Variants in NPAS1 observed in about 807,000 individuals in gnomAD.
NPAS1 encodes neuronal PAS domain protein 1, also known as neuronal PAS domain-containing protein 1.
In NPAS1, 29 loss-of-function variants were observed where a neutral mutation model predicts 49.2. The observed-to-expected ratio is 0.59, with a 90% confidence interval of 0.44 to 0.80. The LOEUF (loss-of-function observed/expected upper bound fraction) is 0.80. Among genes scored for constraint, NPAS1 ranks in the 30% least tolerant of loss-of-function variants. NPAS1 has a pLI of 0.00. For missense variants in NPAS1, 825 were observed against 835.5 expected (o/e 0.99, Z 0.15); for synonymous variants, 408 against 380.4 (o/e 1.07, Z -0.84).
chr19:47,032,521 C>G, intron 4 of NPAS1, 122 bp from the exon 5 acceptor site: 1 of 1,118,206 alleles, frequency 8.9e-7, no homozygotes, highest in Non-Finnish European at 1.3e-6. Flanking sequence ...CTGAAGCCCC[C>G]TCCCCACCAA....
chr19:47,045,377 C>A lies in NPAS1; in HGVS notation c.1499C>A (p.Ala500Glu), dbSNP rs2122570845. The A allele has an allele frequency of 6.2e-7, 1 of 1,613,398 alleles. No homozygotes were observed. The highest frequency in any genetic ancestry group is 1.3e-5 in the African/African-American group (1 of 75,052). ...CCCGAGTTCACCTCTGTCATCCGGG[C>A]AGGGGTCCTGAAGCAGGATCCGGTG... ...PRPEFTSVIR[A>E]GVLKQDPVRP... Residue 500 changes from alanine (A) to glutamate (E), a missense_variant, in exon 12 of 12, where the codon GCA becomes GAA. Coordinates refer to ENST00000602212, the MANE Select transcript of NPAS1 (RefSeq NM_002517.4).
chr19:47,026,721 G>A (rs978423919), intron 3 of NPAS1, among the ~76,000 whole-genome samples: 22 of 152,250 alleles, frequency 1.4e-4, no homozygotes, highest in African/African-American at 3.9e-4. Context: ...TTGTGAGGCC[G>A]AGGCAGGTGG....
intron 11 of NPAS1, among the ~76,000 whole-genome samples, chr19:47,043,799 T>C (rs1236825370): frequency 6.6e-6 from 1 of 151,726 alleles, no homozygotes; most frequent in Non-Finnish European, 1.5e-5. Flanking sequence ...GTGTGGTGGC[T>C]TATGCCTGTA....
chr19:47,042,581 C>T (rs1193682260), intron 10 of NPAS1, among the ~76,000 whole-genome samples: 2 of 152,204 alleles, frequency 1.3e-5, no homozygotes, highest in African/African-American at 4.8e-5. Flanking sequence ...TGGTGACATC[C>T]AGGTGGCCAC....
At chr19:47,034,033 G>C (rs1184163243) in intron 5 of NPAS1, among the ~76,000 whole-genome samples, 1 of 144,642 alleles carries the variant, frequency 6.9e-6, no homozygotes, top group African/African-American at 2.6e-5. Context: ...GGCCGGGCGC[G>C]GTGGCTCACG....
At chr19:47,026,967 G>C (rs1249391074) in intron 3 of NPAS1, among the ~76,000 whole-genome samples, 1 of 150,034 alleles carries the variant, frequency 6.7e-6, no homozygotes, top group African/African-American at 2.4e-5. Context: ...AAAAAAAAAA[G>C]AGAGAGAGAG....
At chr19:47,038,984 CTG>C in intron 6 of NPAS1, 50 bp from the exon 7 acceptor site, 1 of 1,517,450 alleles carries the variant, frequency 6.6e-7, no homozygotes, top group Non-Finnish European at 9.2e-7. Flanking sequence ...TCAGGGTGGC[CTG>C]TGTGTTTCCT....
intron 3 of NPAS1, among the ~76,000 whole-genome samples, chr19:47,022,079 G>A (rs148954865): frequency 2.6e-5 from 4 of 152,350 alleles, no homozygotes; most frequent in African/African-American, 9.6e-5. Flanking sequence ...ACAAGGCCCT[G>A]GCAGTTCTAG....
intron 5 of NPAS1, among the ~76,000 whole-genome samples, chr19:47,034,026 C>T (rs1459261317): frequency 2.9e-5 from 4 of 137,844 alleles, no homozygotes; most frequent in African/African-American, 5.3e-5. Flanking sequence ...AAAAAAGGGC[C>T]GGGCGCGGTG....
chr19:47,043,672 G>A (rs925207426), intron 11 of NPAS1, among the ~76,000 whole-genome samples: 3 of 152,012 alleles, frequency 2.0e-5, no homozygotes, highest in African/African-American at 4.8e-5. Flanking sequence ...CAGGAGAGTC[G>A]CTTCTACCCA....
chr19:47,032,575 C>A, intron 4 of NPAS1, 68 bp from the exon 5 acceptor site: 2 of 1,442,838 alleles, frequency 1.4e-6, no homozygotes, highest in Non-Finnish European at 2.0e-6. Flanking sequence ...GAACCTCTTA[C>A]CACTTGGCGG....
intron 6 of NPAS1, 70 bp from the exon 7 acceptor site, chr19:47,038,966 T>A: frequency 7.3e-7 from 1 of 1,367,378 alleles, no homozygotes; most frequent in South Asian, 1.2e-5. Context: ...CGGCTGGCTC[T>A]GCAAGGGTCA....
chr19:47,020,988 G>C lies in NPAS1; in HGVS notation c.-42-18G>C. The C allele has an allele frequency of 2.0e-6, 3 of 1,504,004 alleles. No individual in the cohort carries two copies. The highest frequency in any genetic ancestry group is 2.7e-6 in the Non-Finnish European group (3 of 1,121,292). The allele number at this position is 1,504,004 out of a possible 1,614,324, so 93.2% of individuals were successfully genotyped here. ...CCCGAGGGCACTAAGCGTTGCCCCT[G>C]GCCCCCTCCCGCTGCAGGAGACTCG... On this transcript the variant is annotated intron_variant, in intron 1 of 11. Coordinates refer to ENST00000602212, the MANE Select transcript of NPAS1 (RefSeq NM_002517.4).
At chr19:47,022,860 A>G (rs2056850227) in intron 3 of NPAS1, among the ~76,000 whole-genome samples, 1 of 152,276 alleles carries the variant, frequency 6.6e-6, no homozygotes, top group Non-Finnish European at 1.5e-5. Flanking sequence ...ATTGAGACAT[A>G]GAAGTGCTGT....
chr19:47,026,387 C>G (rs60003654), intron 3 of NPAS1, among the ~76,000 whole-genome samples: 14,817 of 152,148 alleles, frequency 0.097, 1,218 homozygotes, highest in African/African-American at 0.21. Flanking sequence ...GCCTCATGCA[C>G]TGTGGTAGGG....
intron 6 of NPAS1, among the ~76,000 whole-genome samples, chr19:47,036,435 A>G (rs1349191486): frequency 1.3e-5 from 2 of 152,200 alleles, no homozygotes; most frequent in African/African-American, 2.4e-5. Context: ...GTAAGTGCAC[A>G]ATCACATTAC....
intron 3 of NPAS1, among the ~76,000 whole-genome samples, chr19:47,023,128 C>A (rs1026621749): frequency 1.3e-5 from 2 of 152,240 alleles, no homozygotes; most frequent in Non-Finnish European, 2.9e-5. Flanking sequence ...TTTAAATAAT[C>A]CGGCTTCCCA....
rs2056845259 is a variant in NPAS1 at position 47,021,963 on chromosome 19, G to A, written c.358+116G>A. On this transcript the variant is annotated intron_variant, in intron 3 of 11. Coordinates refer to ENST00000602212, the MANE Select transcript of NPAS1 (RefSeq NM_002517.4). This position sits in a 1 kb window ranked among gnomAD's most constrained non-coding sequence, Gnocchi z 5.7. ...GATGCTTGTCTCTGGAGTCAGCCAG[G>A]ACCTTTGCGTGTCCCTATCAGGTGG... 1 of 633,812 alleles carries A rather than the reference G, an allele frequency of 1.6e-6. No homozygotes were observed. 39.3% of individuals were successfully genotyped at this position (633,812 alleles called of 1,614,324 possible).
intron 3 of NPAS1, among the ~76,000 whole-genome samples, chr19:47,026,272 G>A (rs1221298122): frequency 2.0e-5 from 3 of 152,220 alleles, no homozygotes; most frequent in Admixed American, 2.0e-4. Context: ...GCTCCAAGGA[G>A]GTGTGGGAGC....
Sources: gnomAD v4.1 joint callset for allele counts (sites outside exome capture counted in the v4.1 genomes callset) on GRCh38, gnomAD v4.1.1 for gene constraint, Gnocchi (gnomAD v3.1) non-coding constraint, MANE v1.5 for transcripts, NCBI Gene and HGNC (gene_info 2026-07-23, HGNC 2026-07-21) for gene names.